LCLAT1: variants seen among roughly 807,000 people sequenced by gnomAD.
The protein encoded by LCLAT1 is 1-AGP acyltransferase 8.
Under a neutral mutation model 30.7 loss-of-function variants are expected in LCLAT1, and 11 were observed. That is an observed-to-expected ratio of 0.36 (90% CI 0.23 to 0.59). The LOEUF (loss-of-function observed/expected upper bound fraction) is 0.59, where lower values mean the gene tolerates loss of function less well. LCLAT1 is among the 20% of genes least tolerant of loss of function. The pLI, the probability that LCLAT1 is intolerant of heterozygous loss-of-function variation, is 0.77. For missense variants in LCLAT1, 402 were observed against 458.6 expected (o/e 0.88, Z 1.13); for synonymous variants, 155 against 151.3 (o/e 1.02, Z -0.18).
intron 1 of LCLAT1, among the ~76,000 whole-genome samples, chr2:30,494,164 A>G (rs937622501): frequency 8.5e-5 from 13 of 152,200 alleles, no homozygotes; most frequent in Non-Finnish European, 1.5e-4. Flanking sequence ...TTGAGGTTGC[A>G]GTAAGCTATG....
intron 5 of LCLAT1, among the ~76,000 whole-genome samples, chr2:30,638,808 AC>A (rs1198170732): frequency 8.0e-4 from 74 of 92,106 alleles, no homozygotes; most frequent in African/African-American, 6.7e-3. Context: ...TGGCCACTGT[AC>A]GGTGTCACAT....
chr2:30,608,450 G>C (rs1365983029), intron 5 of LCLAT1, among the ~76,000 whole-genome samples: 1 of 151,930 alleles, frequency 6.6e-6, no homozygotes, highest in Non-Finnish European at 1.5e-5. Context: ...TGGTGTCCTA[G>C]GCCTTCACAT....
intron 1 of LCLAT1, among the ~76,000 whole-genome samples, chr2:30,503,510 G>A (rs1684498796): frequency 6.6e-6 from 1 of 152,110 alleles, no homozygotes; most frequent in African/African-American, 2.4e-5. Context: ...GAGTATACTA[G>A]AGTTACCCTA....
intron 2 of LCLAT1, among the ~76,000 whole-genome samples, chr2:30,531,861 G>A (rs973548313): frequency 4.6e-5 from 7 of 151,978 alleles, no homozygotes; most frequent in East Asian, 1.9e-4. Context: ...CAAACATACC[G>A]AAAAGTTATT....
At chr2:30,471,526 C>T (rs1002373413) in intron 1 of LCLAT1, among the ~76,000 whole-genome samples, 1 of 152,190 alleles carries the variant, frequency 6.6e-6, no homozygotes, top group Non-Finnish European at 1.5e-5. Flanking sequence ...GTCTTTTAAT[C>T]CCTAAACCTG....
At position 30,640,560 on chromosome 2, in the gene LCLAT1, C is replaced by T; in HGVS notation, c.1072C>T (p.Leu358Phe). The change falls in exon 6 of 6, where the codon CTT becomes TTT. Residue 358 changes from leucine to phenylalanine, a missense_variant. Physicochemically the swap from Leu to Phe is conservative, Grantham distance 22 (BLOSUM62 0). Transcript: ENST00000379509. Reference protein sequence around the residue: ...RIFGGLEIIELACYRLLHKQP... With the variant: ...RIFGGLEIIEFACYRLLHKQP... The stretch of plus-strand genomic sequence containing the variant: ...ATTTGGTGGACTGGAGATCATAGAA[C>T]TTGCATGTTACCGACTTTTACACAA... The T allele has an allele frequency of 6.2e-7, 1 of 1,613,172 alleles. No individual in the cohort carries two copies. Among genetic ancestry groups the T allele is most frequent in the Non-Finnish European group, 8.5e-7 (1 of 1,179,718 alleles).
intron 5 of LCLAT1, among the ~76,000 whole-genome samples, chr2:30,633,200 CT>C (rs1197879028): frequency 6.6e-6 from 1 of 152,110 alleles, no homozygotes; most frequent in Non-Finnish European, 1.5e-5. Context: ...AGTAACTTTT[CT>C]TTTTAATTTG....
At chr2:30,498,482 G>A (rs1056316402) in intron 1 of LCLAT1, among the ~76,000 whole-genome samples, 3 of 152,170 alleles carry the variant, frequency 2.0e-5, no homozygotes, top group African/African-American at 7.2e-5. Flanking sequence ...AAAGGGTTTT[G>A]GGTTCACAGA....
At chr2:30,630,483 C>T (rs1349591388) in intron 5 of LCLAT1, among the ~76,000 whole-genome samples, 1 of 152,160 alleles carries the variant, frequency 6.6e-6, no homozygotes, top group Non-Finnish European at 1.5e-5. Flanking sequence ...ATAGACTTAA[C>T]TTGCATTTTC....
intron 5 of LCLAT1, among the ~76,000 whole-genome samples, chr2:30,568,752 C>T (rs12476387): frequency 0.12 from 18,746 of 150,008 alleles, 1,301 homozygotes; most frequent in South Asian, 0.22. Flanking sequence ...CGTGATCCAG[C>T]AGCCTCAGCC....
chr2:30,607,857 G>C (rs1667529726), intron 5 of LCLAT1: 1 of 22,348 alleles, frequency 4.5e-5, no homozygotes, highest in Non-Finnish European at 1.0e-4. Flanking sequence ...GTGTGTGTGT[G>C]TGTGTGTGTG....
At position 30,469,574 on chromosome 2, in the gene LCLAT1, C is replaced by CTTTTT. The variant is rs199634493; in HGVS notation, c.-5+22209_-5+22213dup. 3.0e-3 allele frequency among the ~76,000 whole-genome samples: 309 copies of CTTTTT among 103,612 alleles called. 1 individual carries two copies. The highest frequency in any genetic ancestry group is 3.6e-3 in the African/African-American group (87 of 24,118). 68.0% of individuals were successfully genotyped at this position (103,612 alleles called of 152,430 possible). ...CAATTAATTGGGCTACAGGTCTCTTCTTTTTTTTTTTTTTTTTTTTTTGAG... is the reference window on the plus strand; with the variant it reads ...CAATTAATTGGGCTACAGGTCTCTTCTTTTTTTTTTTTTTTTTTTTTTTTTTTGAG... On this transcript the variant is annotated intron_variant, in intron 1 of 5. Transcript: ENST00000379509.
At chr2:30,558,960 A>T (rs1665068625) in intron 3 of LCLAT1, among the ~76,000 whole-genome samples, 1 of 150,148 alleles carries the variant, frequency 6.7e-6, no homozygotes, top group Admixed American at 7.5e-5. Flanking sequence ...AAGAAGTATA[A>T]ATAAACTGTA....
chr2:30,493,211 T>C (rs13014119), intron 1 of LCLAT1, among the ~76,000 whole-genome samples: 75,837 of 152,040 alleles, frequency 0.5, 19,982 homozygotes, highest in Non-Finnish European at 0.58. Context: ...AAGTAGACTT[T>C]CTTATTATTT....
At chr2:30,586,994 A>G (rs1279333940) in intron 5 of LCLAT1, among the ~76,000 whole-genome samples, 1 of 152,164 alleles carries the variant, frequency 6.6e-6, no homozygotes, top group Non-Finnish European at 1.5e-5. Flanking sequence ...CTTATTCCCT[A>G]ATAACTTCAA....
chr2:30,589,461 A>AG (rs1454538962), intron 5 of LCLAT1, among the ~76,000 whole-genome samples: 4 of 151,478 alleles, frequency 2.6e-5, no homozygotes, highest in East Asian at 1.9e-4. Context: ...TGTCATGTTG[A>AG]GGGGAAAAAA....
intron 1 of LCLAT1, among the ~76,000 whole-genome samples, chr2:30,472,637 T>C (rs958654569): frequency 6.6e-6 from 1 of 152,232 alleles, no homozygotes; most frequent in African/African-American, 2.4e-5. Flanking sequence ...GTCATTTTAA[T>C]GACATTCAGA....
chr2:30,505,689 C>A (rs983094045), intron 1 of LCLAT1, among the ~76,000 whole-genome samples: 3 of 152,062 alleles, frequency 2.0e-5, no homozygotes, highest in African/African-American at 7.2e-5. Flanking sequence ...AGTTCCTATA[C>A]CTGCTCCACA....
At chr2:30,520,364 G>T (rs1185370989) in intron 1 of LCLAT1, among the ~76,000 whole-genome samples, 1 of 152,146 alleles carries the variant, frequency 6.6e-6, no homozygotes, top group Non-Finnish European at 1.5e-5. Flanking sequence ...GTTTATAATT[G>T]TAACATCTTT....
Sources: gnomAD v4.1 joint callset for allele counts (sites outside exome capture counted in the v4.1 genomes callset) on GRCh38, gnomAD v4.1.1 for gene constraint, MANE v1.5 for transcripts, NCBI Gene and HGNC (gene_info 2026-07-23, HGNC 2026-07-21) for gene names.